The following ZNF93 variants were observed in gnomAD, a reference collection of about 807,000 sequenced individuals.
The protein encoded by ZNF93 is zinc finger protein 505.
A neutral mutation model predicts 45.0 loss-of-function variants in ZNF93; 29 were observed. That is an observed-to-expected ratio of 0.64 (90% CI 0.48 to 0.88). The LOEUF is 0.88. Ranked by LOEUF, ZNF93 falls within the 40% of genes least tolerant of loss-of-function variation. The pLI is 0.00. For missense variants in ZNF93, 578 were observed against 724.0 expected, an observed-to-expected ratio of 0.80 and a Z score of 2.31; for synonymous variants, 223 against 244.6, an observed-to-expected ratio of 0.91 and a Z score of 0.82.
intron 3 of ZNF93, among the ~76,000 whole-genome samples, chr19:19,919,288 C>T (rs1164922063): frequency 6.6e-6 from 1 of 151,988 alleles, no homozygotes; most frequent in Non-Finnish European, 1.5e-5. Context: ...TTTCTGAGGG[C>T]TCTGTTCTGT....
chr19:19,919,715 A>G (rs993609543), intron 3 of ZNF93, among the ~76,000 whole-genome samples: 1 of 152,146 alleles, frequency 6.6e-6, no homozygotes, highest in Non-Finnish European at 1.5e-5. Context: ...CTTTGAAGCA[A>G]TTGTGAATGG....
Position 19,933,821 on chromosome 19 carries a change from A to G in ZNF93, c.866A>G (p.Glu289Gly), listed in dbSNP as rs2122200612. 4 of 1,613,528 alleles carry G rather than the reference A, an allele frequency of 2.5e-6. No individual in the cohort carries two copies. Among genetic ancestry groups the G allele is most frequent in the Admixed American group, 1.7e-5 (1 of 59,992 alleles). ...GGAGAGAAACCCTACAAATGTGAAGAATGTGGCAAAGCTTTTAACCAATCC... is the reference window on the plus strand; with the variant it reads ...GGAGAGAAACCCTACAAATGTGAAGGATGTGGCAAAGCTTTTAACCAATCC... ...HTGEKPYKCE[E>G]CGKAFNQSST... The change falls in exon 4 of 4, where the codon GAA becomes GGA. Residue 289 changes from glutamate to glycine, a missense_variant. By Grantham distance (98) the Glu-to-Gly change is moderately conservative. Around this residue, in one of 3 missense-constraint regions of ZNF93, gnomAD observed 446 missense variants for 547.6 expected, o/e 0.81. Coordinates refer to ENST00000343769, the MANE Select transcript of ZNF93 (RefSeq NM_031218.4).
At chr19:19,930,090 C>G (rs913444500) in intron 3 of ZNF93, among the ~76,000 whole-genome samples, 5 of 151,512 alleles carry the variant, frequency 3.3e-5, no homozygotes, top group African/African-American at 1.2e-4. Context: ...TTATTGAATA[C>G]AAAGCAAAAG....
chr19:19,909,252 G>A (rs1371543459), intron 1 of ZNF93: 1 of 152,290 alleles, frequency 6.6e-6, no homozygotes, highest in Non-Finnish European at 1.5e-5. Flanking sequence ...GCGGTAAAGA[G>A]AGGACACTAG....
At chr19:19,916,710 C>A in intron 3 of ZNF93, 55 bp downstream of exon 3, 2 of 1,309,158 alleles carry the variant, frequency 1.5e-6, no homozygotes, top group Non-Finnish European at 2.1e-6. Context: ...GTCCCAAGGC[C>A]AAAGAGAAAG....
At chr19:19,918,667 C>CA (rs1423523753) in intron 3 of ZNF93, among the ~76,000 whole-genome samples, 3 of 152,184 alleles carry the variant, frequency 2.0e-5, no homozygotes, top group Non-Finnish European at 4.4e-5. Context: ...GATGGTATCT[C>CA]ATTGTGGTTT....
chr19:19,903,286 AAGTC>A (rs1568505533), intron 1 of ZNF93, among the ~76,000 whole-genome samples: 1 of 152,112 alleles, frequency 6.6e-6, no homozygotes, highest in African/African-American at 2.4e-5. Context: ...GAGGGTGAAA[AAGTC>A]AGATTTTACA....
chr19:19,919,758 T>C (rs976676451), intron 3 of ZNF93, among the ~76,000 whole-genome samples: 3 of 152,220 alleles, frequency 2.0e-5, no homozygotes, highest in African/African-American at 7.2e-5. Flanking sequence ...TGTGTTTGTC[T>C]GTTATTGGTG....
rs1599575896 is a variant in ZNF93 at position 19,934,888 on chromosome 19, T to TA, written c.*71dup. ...TACTATACACTGAGAGTTCTGAACTTACTCTGTAACCATCCCAAACTCCTC... is the reference window on the plus strand; with the variant it reads ...TACTATACACTGAGAGTTCTGAACTTAACTCTGTAACCATCCCAAACTCCTC... On this transcript the variant is annotated 3_prime_UTR_variant, in exon 4 of 4. Transcript: ENST00000343769. 1 of 1,489,680 alleles carries TA rather than the reference T, an allele frequency of 6.7e-7. No individual in the cohort carries two copies. Among genetic ancestry groups the TA allele is most frequent in the African/African-American group, 1.4e-5 (1 of 71,390 alleles). The allele number at this position is 1,489,680 out of a possible 1,614,324, so 92.3% of individuals were successfully genotyped here. A position where few individuals can be genotyped will look rare whatever the true frequency, so the allele number is the denominator to read the frequency against.
rs1439364573 is a variant in ZNF93, at chr19:19,933,474, C to A, written c.519C>A (p.Phe173Leu). The A allele has an allele frequency of 6.2e-7, 1 of 1,604,560 alleles. No individual in the cohort carries two copies. Among genetic ancestry groups the A allele is most frequent in the Admixed American group, 1.7e-5 (1 of 57,438 alleles). Residue 173 changes from phenylalanine to leucine, a missense_variant, in exon 4 of 4, where the codon TTC becomes TTA. Phe to Leu is a conservative substitution (Grantham distance 22). Coordinates refer to ENST00000343769, the MANE Select transcript of ZNF93 (RefSeq NM_031218.4). Reference sequence around the variant, plus strand: ...TAAGACATACTGAAAAAAAACCTTTCAAATGCATAGAATGTGGCAAAGCTT... The same window carrying A: ...TAAGACATACTGAAAAAAAACCTTTAAAATGCATAGAATGTGGCAAAGCTT... Reference protein sequence around the residue: ...HNIRHTEKKPFKCIECGKAFN... With the variant: ...HNIRHTEKKPLKCIECGKAFN...
In ZNF93 at chr19:19,934,749, T is replaced by C. The variant is rs2063387817; in HGVS notation, c.1794T>C (p.Cys598=). The C allele has an allele frequency of 6.2e-7, 1 of 1,611,272 alleles. No homozygotes were observed. Among genetic ancestry groups the C allele is most frequent in the African/African-American group, 1.3e-5 (1 of 74,760 alleles). ...SGEKPYECDK[C]GKAFISPSSL... is the part of the protein sequence containing the mutation. ...AGAAACCATACGAGTGTGATAAATGTGGCAAAGCCTTTATTTCACCCTCAA... is the reference window on the plus strand; with the variant it reads ...AGAAACCATACGAGTGTGATAAATGCGGCAAAGCCTTTATTTCACCCTCAA... The change falls in exon 4 of 4, where the codon TGT becomes TGC. Residue 598 remains cysteine (C), a synonymous_variant. Coordinates refer to ENST00000343769, the MANE Select transcript of ZNF93 (RefSeq NM_031218.4).
At chr19:19,915,672 C>T (rs2063321695) in intron 2 of ZNF93, among the ~76,000 whole-genome samples, 1 of 152,058 alleles carries the variant, frequency 6.6e-6, no homozygotes, top group African/African-American at 2.4e-5. Flanking sequence ...CAAACCCCAT[C>T]TCTACTAAAA....
At chr19:19,922,308 G>T (rs1349158781) in intron 3 of ZNF93, among the ~76,000 whole-genome samples, 1 of 152,220 alleles carries the variant, frequency 6.6e-6, no homozygotes, top group Non-Finnish European at 1.5e-5. Context: ...TCTGCCGAGA[G>T]GTCAGCTGTT....
chr19:19,914,015 T>G (rs2063316904), intron 1 of ZNF93, among the ~76,000 whole-genome samples: 1 of 142,564 alleles, frequency 7.0e-6, no homozygotes, highest in Non-Finnish European at 1.5e-5. Flanking sequence ...AATATTTCTT[T>G]TTTATATCCC....
intron 3 of ZNF93, chr19:19,927,102 A>G: frequency 2.5e-6 from 1 of 398,602 alleles, no homozygotes; most frequent in Non-Finnish European, 4.4e-6. Flanking sequence ...ATTGAAGTTT[A>G]TATTTCAGGG....
At chr19:19,932,088 C>A in intron 3 of ZNF93, 1 of 279,502 alleles carries the variant, frequency 3.6e-6, no homozygotes, top group Non-Finnish European at 7.0e-6. Flanking sequence ...ATCTGGCCAA[C>A]ATGGTGAAAT....
At chr19:19,918,159 T>A (rs1181987234) in intron 3 of ZNF93, among the ~76,000 whole-genome samples, 2 of 151,942 alleles carry the variant, frequency 1.3e-5, no homozygotes, top group Non-Finnish European at 2.9e-5. Flanking sequence ...GTCCAAGTGT[T>A]CTCATTGTTC....
At chr19:19,917,317 C>T (rs2063327215) in intron 3 of ZNF93, among the ~76,000 whole-genome samples, 1 of 135,058 alleles carries the variant, frequency 7.4e-6, no homozygotes, top group Non-Finnish European at 1.5e-5. Context: ...GATAATATGA[C>T]ACTTTAATAA....
At chr19:19,931,975 A>T (rs1374169645) in intron 3 of ZNF93, 1 of 390,402 alleles carries the variant, frequency 2.6e-6, no homozygotes, top group African/African-American at 2.2e-5. Context: ...TTTGTTATTG[A>T]TATAAAAATT....
Sources: gnomAD v4.1 joint callset for allele counts (sites outside exome capture counted in the v4.1 genomes callset) on GRCh38, gnomAD v4.1.1 for gene constraint, gnomAD v4.1.1 regional missense constraint, MANE v1.5 for transcripts, NCBI Gene and HGNC (gene_info 2026-07-23, HGNC 2026-07-21) for gene names.